Variants in NRG3 observed in about 807,000 individuals in gnomAD.
NRG3 encodes the protein pro-neuregulin-3, membrane-bound isoform.
A neutral mutation model predicts 66.9 loss-of-function variants in NRG3; 31 were observed. That is an observed-to-expected ratio of 0.46 (90% CI 0.35 to 0.63). NRG3 has a LOEUF of 0.63. Ranked by LOEUF, NRG3 falls within the 20% of genes least tolerant of loss-of-function variation. NRG3 has a pLI of 0.00. For missense variants in NRG3, 910 were observed against 878.9 expected, an observed-to-expected ratio of 1.04 and a Z score of -0.45; for synonymous variants, 393 against 359.4, an observed-to-expected ratio of 1.09 and a Z score of -1.06.
intron 1 of NRG3, among the ~76,000 whole-genome samples, chr10:81,980,450 G>C (rs934720928): frequency 6.6e-6 from 1 of 152,098 alleles, no homozygotes; most frequent in Non-Finnish European, 1.5e-5. Flanking sequence ...AAATAAAAAA[G>C]ACAATGATTT....
intron 2 of NRG3, among the ~76,000 whole-genome samples, chr10:82,408,494 C>G (rs1177988997): frequency 3.3e-5 from 5 of 152,038 alleles, no homozygotes; most frequent in Admixed American, 3.3e-4. Flanking sequence ...CAAGAAGTAT[C>G]TTTTCACATG....
intron 2 of NRG3, among the ~76,000 whole-genome samples, chr10:82,387,640 G>A (rs1200716406): frequency 2.6e-5 from 4 of 152,144 alleles, no homozygotes; most frequent in African/African-American, 9.7e-5. Flanking sequence ...AAGTCAATTG[G>A]AATGTGACAG....
intron 1 of NRG3, among the ~76,000 whole-genome samples, chr10:82,217,774 T>C (rs552725291): frequency 6.6e-6 from 1 of 152,320 alleles, no homozygotes; most frequent in East Asian, 1.9e-4. Context: ...CCTCTATCAA[T>C]GATTGCAGAA....
chr10:82,958,221 A>G (rs1850265861), intron 5 of NRG3, among the ~76,000 whole-genome samples: 1 of 152,160 alleles, frequency 6.6e-6, no homozygotes, highest in African/African-American at 2.4e-5. Context: ...CTGAGATCCA[A>G]TCGCTGCCAC....
intron 1 of NRG3, among the ~76,000 whole-genome samples, chr10:82,351,153 C>G (rs1270870124): frequency 6.6e-6 from 1 of 152,152 alleles, no homozygotes; most frequent in Non-Finnish European, 1.5e-5. Context: ...CTCGGCCTCC[C>G]AAAGTGCTGG....
chr10:82,062,080 T>C (rs1257682226), intron 1 of NRG3, among the ~76,000 whole-genome samples: 1 of 152,178 alleles, frequency 6.6e-6, no homozygotes, highest in African/African-American at 2.4e-5. Flanking sequence ...CCAGGTATCA[T>C]GCAGTCTGGA....
chr10:82,182,657 T>C (rs974120875), intron 1 of NRG3, among the ~76,000 whole-genome samples: 1 of 151,994 alleles, frequency 6.6e-6, no homozygotes, highest in Admixed American at 6.6e-5. Context: ...AGAATTAAAA[T>C]TGATTTATGC....
chr10:82,243,926 G>A (rs190065410), intron 1 of NRG3, among the ~76,000 whole-genome samples: 2 of 152,124 alleles, frequency 1.3e-5, no homozygotes, highest in Non-Finnish European at 1.5e-5. Flanking sequence ...ATTTCTGCTT[G>A]AGGTGAAGAT....
chr10:82,693,537 C>A (rs2055116229), intron 2 of NRG3, among the ~76,000 whole-genome samples: 1 of 152,110 alleles, frequency 6.6e-6, no homozygotes, highest in Non-Finnish European at 1.5e-5. Context: ...CTAAATCACT[C>A]CGTGCTTAGG....
intron 2 of NRG3, among the ~76,000 whole-genome samples, chr10:82,513,816 C>T (rs1438821339): frequency 6.6e-6 from 1 of 152,048 alleles, no homozygotes; most frequent in African/African-American, 2.4e-5. Context: ...AATAGTTTTC[C>T]TATTTCTCCA....
At chr10:82,515,414 C>T (rs1321258171) in intron 2 of NRG3, among the ~76,000 whole-genome samples, 1 of 152,172 alleles carries the variant, frequency 6.6e-6, no homozygotes, top group Admixed American at 6.5e-5. Flanking sequence ...TACAGATCAA[C>T]CTAACAGTAA....
chr10:81,928,284 A>G (rs909426801), intron 1 of NRG3, among the ~76,000 whole-genome samples: 6 of 152,162 alleles, frequency 3.9e-5, no homozygotes, highest in African/African-American at 1.4e-4. Flanking sequence ...GCTTTTTACC[A>G]GAATATCCAG....
At chr10:82,151,152 G>A (rs2070717315) in intron 1 of NRG3, among the ~76,000 whole-genome samples, 1 of 152,178 alleles carries the variant, frequency 6.6e-6, no homozygotes, top group Non-Finnish European at 1.5e-5. Flanking sequence ...AGGAACAGAG[G>A]AACGGCTGAG....
intron 1 of NRG3, among the ~76,000 whole-genome samples, chr10:82,121,509 C>T (rs1424589139): frequency 3.3e-5 from 5 of 152,168 alleles, no homozygotes; most frequent in Non-Finnish European, 4.4e-5. Context: ...CTTCCCAACA[C>T]TCACTGCTTT....
chr10:82,762,082 C>A (rs912889493), intron 3 of NRG3, among the ~76,000 whole-genome samples: 2 of 147,806 alleles, frequency 1.4e-5, no homozygotes, highest in Non-Finnish European at 3.0e-5. Flanking sequence ...TTGATAGGAC[C>A]TCACTCTGTT....
intron 4 of NRG3, among the ~76,000 whole-genome samples, chr10:82,926,842 T>C (rs1475765452): frequency 2.0e-5 from 3 of 152,240 alleles, no homozygotes; most frequent in Non-Finnish European, 4.4e-5. Context: ...ATGTGAATAA[T>C]CCTCAGTAGA....
intron 3 of NRG3, among the ~76,000 whole-genome samples, chr10:82,789,781 C>G (rs1379001976): frequency 6.6e-6 from 1 of 151,746 alleles, no homozygotes; most frequent in Non-Finnish European, 1.5e-5. Context: ...CACAGCCTTC[C>G]TTAGTATTAA....
intron 2 of NRG3, among the ~76,000 whole-genome samples, chr10:82,632,051 G>A (rs990089096): frequency 1.6e-4 from 24 of 152,044 alleles, no homozygotes; most frequent in Non-Finnish European, 2.6e-4. Flanking sequence ...GCACTGGGCC[G>A]AGATCACGCC....
intron 1 of NRG3, among the ~76,000 whole-genome samples, chr10:82,322,793 T>G (rs2081646659): frequency 6.6e-6 from 1 of 152,218 alleles, no homozygotes; most frequent in African/African-American, 2.4e-5. Context: ...TAGTGTTGAT[T>G]GTATTTCTTT....
Sources: allele counts gnomAD v4.1 joint callset (sites outside exome capture counted in the v4.1 genomes callset), GRCh38; gene constraint gnomAD v4.1.1; transcripts MANE v1.5; gene names NCBI Gene and HGNC (gene_info 2026-07-23, HGNC 2026-07-21).